CDH13: variants seen among roughly 807,000 people sequenced by gnomAD.
CDH13 encodes the protein cadherin 13.
A neutral mutation model predicts 63.8 loss-of-function variants in CDH13; 24 were observed. That is an observed-to-expected ratio of 0.38 (90% CI 0.27 to 0.53). The LOEUF (loss-of-function observed/expected upper bound fraction) is 0.53, where lower values mean the gene tolerates loss of function less well. CDH13 is among the 20% of genes least tolerant of loss of function. CDH13 has a pLI of 0.85. For missense variants in CDH13, 1,049 were observed against 903.1 expected, an observed-to-expected ratio of 1.16 and a Z score of -2.07; for synonymous variants, 503 against 355.3, an observed-to-expected ratio of 1.42 and a Z score of -4.67.
intron 6 of CDH13, among the ~76,000 whole-genome samples, chr16:83,471,549 C>T (rs1238213476): frequency 6.6e-6 from 1 of 152,200 alleles, no homozygotes; most frequent in Non-Finnish European, 1.5e-5. Context: ...GCTGGGATTA[C>T]AGGCGTGAGC....
intron 4 of CDH13, among the ~76,000 whole-genome samples, chr16:83,140,450 T>A (rs1239996297): frequency 6.6e-6 from 1 of 152,184 alleles, no homozygotes; most frequent in East Asian, 1.9e-4. Flanking sequence ...TCTCATCTGA[T>A]GTATCTTTTT....
At chr16:83,269,571 C>A (rs2088735080) in intron 5 of CDH13, among the ~76,000 whole-genome samples, 1 of 152,124 alleles carries the variant, frequency 6.6e-6, no homozygotes, top group Non-Finnish European at 1.5e-5. Flanking sequence ...ATTCCCACCC[C>A]AGTAAGAATT....
At chr16:83,690,029 T>C (rs936141894) in intron 10 of CDH13, among the ~76,000 whole-genome samples, 1 of 151,272 alleles carries the variant, frequency 6.6e-6, no homozygotes, top group African/African-American at 2.4e-5. Flanking sequence ...CTACTAAAAA[T>C]ACAAAATTAG....
At chr16:82,803,331 T>G (rs1333364922) in intron 1 of CDH13, among the ~76,000 whole-genome samples, 1 of 152,220 alleles carries the variant, frequency 6.6e-6, no homozygotes, top group Admixed American at 6.5e-5. Flanking sequence ...TTCATTCTTA[T>G]TTATTGGGCC....
chr16:83,480,102 A>G (rs2073723009), intron 6 of CDH13, among the ~76,000 whole-genome samples: 1 of 152,212 alleles, frequency 6.6e-6, no homozygotes, highest in Non-Finnish European at 1.5e-5. Flanking sequence ...ACGTGGGCAG[A>G]TCGCTTGACT....
At chr16:82,671,406 C>T (rs529815658) in intron 1 of CDH13, among the ~76,000 whole-genome samples, 2 of 152,270 alleles carry the variant, frequency 1.3e-5, no homozygotes, top group East Asian at 1.9e-4. Context: ...TGTTCTTTTC[C>T]TGATGTTCAA....
intron 5 of CDH13, among the ~76,000 whole-genome samples, chr16:83,271,369 A>G (rs2088802438): frequency 8.1e-6 from 1 of 124,196 alleles, no homozygotes; most frequent in South Asian, 2.9e-4. Context: ...CACCAGCAAC[A>G]TTCTTGTGTT....
At chr16:82,882,792 C>T (rs1378638159) in intron 2 of CDH13, among the ~76,000 whole-genome samples, 3 of 151,994 alleles carry the variant, frequency 2.0e-5, no homozygotes, top group African/African-American at 4.8e-5. Context: ...AAGATTTTTA[C>T]CAAGCCATTT....
chr16:82,979,789 A>C (rs1005912212), intron 2 of CDH13, among the ~76,000 whole-genome samples: 2 of 152,144 alleles, frequency 1.3e-5, no homozygotes, highest in African/African-American at 4.8e-5. Flanking sequence ...TGCTTTTTTG[A>C]AAGAGGAAAA....
At chr16:83,387,356 G>A (rs2091695374) in intron 6 of CDH13, among the ~76,000 whole-genome samples, 1 of 152,076 alleles carries the variant, frequency 6.6e-6, no homozygotes. Flanking sequence ...GCAGGTTTCG[G>A]CTCACTTCTA....
chr16:83,719,520 A>C (rs1224879039), intron 10 of CDH13, among the ~76,000 whole-genome samples: 3 of 152,130 alleles, frequency 2.0e-5, no homozygotes, highest in Non-Finnish European at 2.9e-5. Context: ...TTCCAGCGCC[A>C]CATTTTCCAG....
intron 6 of CDH13, among the ~76,000 whole-genome samples, chr16:83,419,932 AAAAG>A (rs2071667459): frequency 6.6e-6 from 1 of 151,698 alleles, no homozygotes; most frequent in South Asian, 2.1e-4. Flanking sequence ...TTTTTTAAAA[AAAAG>A]TTTTGTATGT....
chr16:82,685,506 G>C (rs145548760), intron 1 of CDH13, among the ~76,000 whole-genome samples: 3 of 152,344 alleles, frequency 2.0e-5, no homozygotes, highest in African/African-American at 7.2e-5. Context: ...TCTTTAGCCT[G>C]TAGCAAAGAT....
intron 6 of CDH13, among the ~76,000 whole-genome samples, chr16:83,447,414 C>T (rs1479435570): frequency 2.0e-5 from 3 of 151,652 alleles, no homozygotes; most frequent in East Asian, 1.9e-4. Context: ...AGACTCCATC[C>T]CAAAAAAACA....
chr16:82,668,736 A>G (rs954874018), intron 1 of CDH13, among the ~76,000 whole-genome samples: 3 of 152,166 alleles, frequency 2.0e-5, no homozygotes, highest in Non-Finnish European at 4.4e-5. Context: ...AGTGTTCAGT[A>G]ACTTGGGCCT....
At chr16:83,380,361 G>A (rs1378969995) in intron 6 of CDH13, among the ~76,000 whole-genome samples, 1 of 152,132 alleles carries the variant, frequency 6.6e-6, no homozygotes, top group Non-Finnish European at 1.5e-5. Context: ...ACTGAAGAAG[G>A]AAGGTAACCA....
intron 2 of CDH13, among the ~76,000 whole-genome samples, chr16:82,924,307 C>T (rs2042240789): frequency 6.6e-6 from 1 of 152,044 alleles, no homozygotes; most frequent in Non-Finnish European, 1.5e-5. Context: ...AATATAAAAG[C>T]CTTTCCCCAA....
chr16:83,041,154 A>T (rs967329729), intron 3 of CDH13, among the ~76,000 whole-genome samples: 7 of 152,216 alleles, frequency 4.6e-5, no homozygotes, highest in South Asian at 4.1e-4. Context: ...AGTTGCCTCA[A>T]TAAAGGGAAA....
chr16:82,874,816 C>T (rs1354705353), intron 2 of CDH13, among the ~76,000 whole-genome samples: 1 of 152,078 alleles, frequency 6.6e-6, no homozygotes, highest in Non-Finnish European at 1.5e-5. Context: ...ATAAATTATA[C>T]TAAGAAAGAG....
Sources: allele counts gnomAD v4.1 joint callset (sites outside exome capture counted in the v4.1 genomes callset), GRCh38; gene constraint gnomAD v4.1.1; transcripts MANE v1.5; gene names NCBI Gene and HGNC (gene_info 2026-07-23, HGNC 2026-07-21).